The following FSHR variants were observed in gnomAD, a reference collection of about 807,000 sequenced individuals.
FSHR encodes the protein follicle stimulating hormone receptor, also known as follicle-stimulating hormone receptor.
In FSHR, 46 loss-of-function variants were observed where a neutral mutation model predicts 52.1. The ratio of observed to expected loss-of-function variants is 0.88; its 90% CI spans 0.70 to 1.13. FSHR has a LOEUF of 1.13. FSHR is among the 50% of genes most tolerant of loss of function. The pLI, the probability that FSHR is intolerant of heterozygous loss-of-function variation, is 0.00. For missense variants in FSHR, 964 were observed against 834.6 expected, an observed-to-expected ratio of 1.16 and a Z score of -1.91; for synonymous variants, 399 against 309.6, an observed-to-expected ratio of 1.29 and a Z score of -3.03.
chr2:49,138,048 G>A (rs959384679), intron 1 of FSHR, among the ~76,000 whole-genome samples: 1 of 152,138 alleles, frequency 6.6e-6, no homozygotes, highest in Admixed American at 6.5e-5. Context: ...AATTATACAT[G>A]TGATAAGGGA....
intron 1 of FSHR, among the ~76,000 whole-genome samples, chr2:49,086,248 A>G (rs1245414562): frequency 6.6e-6 from 1 of 152,170 alleles, no homozygotes; most frequent in Non-Finnish European, 1.5e-5. Flanking sequence ...ATTATAGAGA[A>G]ATTTGAATAG....
At position 48,963,400 on chromosome 2, in the gene FSHR, G is replaced by A. The variant is rs932237074; in HGVS notation, c.1421C>T (p.Ala474Val). 8 of 1,613,966 alleles carry A rather than the reference G, an allele frequency of 5.0e-6. No individual in the cohort carries two copies. The Admixed American group carries it at 1.0e-4, about 20-fold the overall frequency. Residue 474 changes from alanine (A) to valine (V), a missense_variant, in exon 10 of 10, where the codon GCC (alanine) becomes GTC (valine). Transcript: ENST00000406846. ...TLERWHTITH[A>V]MQLDCKVQLR... ...CTGCACCTTGCAGTCCAGCTGCATGGCATGCGTGATGGTATGCCATCTTTC... is the reference window on the plus strand; with the variant it reads ...CTGCACCTTGCAGTCCAGCTGCATGACATGCGTGATGGTATGCCATCTTTC...
intron 1 of FSHR, among the ~76,000 whole-genome samples, chr2:49,071,968 T>G (rs1049353825): frequency 6.6e-6 from 1 of 152,042 alleles, no homozygotes; most frequent in African/African-American, 2.4e-5. Flanking sequence ...TCTCCAACAA[T>G]GGATATTTCA....
intron 1 of FSHR, among the ~76,000 whole-genome samples, chr2:49,090,717 T>G (rs191422756): frequency 2.6e-5 from 4 of 152,334 alleles, no homozygotes; most frequent in East Asian, 1.9e-4. Flanking sequence ...CTGTACCACA[T>G]TGGGTTCTCA....
chr2:48,968,910 A>G (rs777698928), intron 8 of FSHR, 27 bp from the exon 9 acceptor site: 1 of 1,604,612 alleles, frequency 6.2e-7, no homozygotes, highest in South Asian at 1.1e-5. Flanking sequence ...TAAATATAAC[A>G]GGATTACTAT....
chr2:49,009,259 C>T (rs556777475), intron 4 of FSHR, among the ~76,000 whole-genome samples: 1 of 150,082 alleles, frequency 6.7e-6, no homozygotes, highest in South Asian at 2.1e-4. Context: ...AGCCAGTTTT[C>T]CCAGCACCAT....
In FSHR at chr2:49,058,823, A is replaced by C. The variant is rs558092458; in HGVS notation, c.224+9396T>G. On this transcript the variant is annotated intron_variant, in intron 2 of 9. Coordinates refer to ENST00000406846, the MANE Select transcript of FSHR (RefSeq NM_000145.4). ...GAAAAGGATACAAACCAATGGAAAA[A>C]CATCCCAAGCTCATGGATGTGAATA... Among the ~76,000 whole-genome samples the C allele has an allele frequency of 2.0e-5, 3 of 152,338 alleles. No homozygotes were observed. In the South Asian group the frequency reaches 6.2e-4, roughly 32 times the overall value.
chr2:49,087,850 A>T (rs753108473), intron 1 of FSHR, among the ~76,000 whole-genome samples: 1 of 152,230 alleles, frequency 6.6e-6, no homozygotes. Context: ...GTGATAAGAC[A>T]GACACATTTC....
rs528441962 is a variant in FSHR, at chr2:49,055,782, G to A, written c.224+12437C>T. 5.9e-5 allele frequency among the ~76,000 whole-genome samples: 9 copies of A among 151,868 alleles called. No homozygotes were observed. In the South Asian group the frequency reaches 6.2e-4, roughly 10 times the overall value. ...TCAAAGTACTAAAAGAAAAAGCTGCGAGACAAGAATACTATACCCAGCAAA... is the reference window on the plus strand; with the variant it reads ...TCAAAGTACTAAAAGAAAAAGCTGCAAGACAAGAATACTATACCCAGCAAA... On this transcript the variant is annotated intron_variant, in intron 2 of 9. Coordinates refer to ENST00000406846, the MANE Select transcript of FSHR (RefSeq NM_000145.4).
chr2:49,118,915 C>G (rs915290700), intron 1 of FSHR, among the ~76,000 whole-genome samples: 1 of 152,210 alleles, frequency 6.6e-6, no homozygotes, highest in Non-Finnish European at 1.5e-5. Flanking sequence ...TATACCTGCA[C>G]TCCCCTTTCT....
chr2:49,068,976 C>A (rs985600212), intron 1 of FSHR, among the ~76,000 whole-genome samples: 1 of 152,150 alleles, frequency 6.6e-6, no homozygotes, highest in Middle Eastern at 3.4e-3. Context: ...TAAAAGCATG[C>A]CATAATGTCT....
intron 1 of FSHR, among the ~76,000 whole-genome samples, chr2:49,097,166 T>C (rs1342242568): frequency 6.6e-6 from 1 of 152,248 alleles, no homozygotes; most frequent in Non-Finnish European, 1.5e-5. Flanking sequence ...AATGTTCTGC[T>C]TTTCTGCTTT....
intron 2 of FSHR, among the ~76,000 whole-genome samples, chr2:49,043,496 A>G (rs1668550291): frequency 6.6e-6 from 1 of 152,166 alleles, no homozygotes; most frequent in Non-Finnish European, 1.5e-5. Context: ...AGTTATGTCT[A>G]TTCTTTGGAG....
intron 1 of FSHR, among the ~76,000 whole-genome samples, chr2:49,139,450 C>T (rs767662091): frequency 2.0e-5 from 3 of 151,960 alleles, no homozygotes; most frequent in Non-Finnish European, 4.4e-5. Context: ...GGGTATAGCA[C>T]GCAGCATTTT....
At chr2:49,151,995 C>G (rs910825720) in intron 1 of FSHR, among the ~76,000 whole-genome samples, 1 of 152,054 alleles carries the variant, frequency 6.6e-6, no homozygotes, top group African/African-American at 2.4e-5. Flanking sequence ...CTCAGTACAC[C>G]TTTCCAAGAA....
At chr2:48,971,737 T>C (rs1674750253) in intron 8 of FSHR, among the ~76,000 whole-genome samples, 1 of 152,258 alleles carries the variant, frequency 6.6e-6, no homozygotes, top group Non-Finnish European at 1.5e-5. Context: ...AGTTCTAGTT[T>C]TGTCAATTTT....
intron 4 of FSHR, among the ~76,000 whole-genome samples, chr2:49,007,196 A>G (rs1448581542): frequency 6.6e-6 from 1 of 152,066 alleles, no homozygotes; most frequent in Non-Finnish European, 1.5e-5. Flanking sequence ...ATCATAGAGA[A>G]GTAAACATAG....
intron 1 of FSHR, among the ~76,000 whole-genome samples, chr2:49,074,704 C>G (rs1156710044): frequency 6.6e-6 from 1 of 151,336 alleles, no homozygotes; most frequent in Non-Finnish European, 1.5e-5. Context: ...ATTACTATAT[C>G]AAAGAGACAT....
chr2:49,123,852 C>T (rs554322613), intron 1 of FSHR, among the ~76,000 whole-genome samples: 6 of 152,196 alleles, frequency 3.9e-5, no homozygotes, highest in Non-Finnish European at 7.4e-5. Flanking sequence ...GGAGGGTTCT[C>T]TTTGCGTCTT....
Sources: gnomAD v4.1 joint callset for allele counts (sites outside exome capture counted in the v4.1 genomes callset) on GRCh38, gnomAD v4.1.1 for gene constraint, MANE v1.5 for transcripts, NCBI Gene and HGNC (gene_info 2026-07-23, HGNC 2026-07-21) for gene names.